The following RPTOR variants were observed in gnomAD, a reference collection of about 807,000 sequenced individuals.
RPTOR encodes regulatory associated protein of MTOR complex 1.
A neutral mutation model predicts 169.9 loss-of-function variants in RPTOR; 21 were observed. That is an observed-to-expected ratio of 0.12 (90% CI 0.09 to 0.18). The LOEUF (loss-of-function observed/expected upper bound fraction) is 0.18. Among genes scored for constraint, RPTOR ranks in the 10% least tolerant of loss-of-function variants. The probability of loss-of-function intolerance (pLI) is 1.00; values close to 1 mark genes in which losing one functional copy is unlikely to be tolerated. For synonymous variants in RPTOR, 732 were observed against 753.2 expected (o/e 0.97, Z 0.46); for missense variants, 1,133 against 1,855.9 (o/e 0.61, Z 7.16).
intron 1 of RPTOR, among the ~76,000 whole-genome samples, chr17:80,590,072 G>A (rs1435018424): frequency 2.6e-5 from 4 of 152,240 alleles, no homozygotes; most frequent in South Asian, 2.1e-4. Context: ...GCTTATAAGC[G>A]TTATTTCTTT....
intron 3 of RPTOR, among the ~76,000 whole-genome samples, chr17:80,703,414 C>T (rs2066117946): frequency 6.6e-6 from 1 of 152,120 alleles, no homozygotes; most frequent in South Asian, 2.1e-4. Flanking sequence ...CCCACCTGGA[C>T]CCTAGACCCT....
chr17:80,785,162 TAG>T (rs1324117557), intron 6 of RPTOR, among the ~76,000 whole-genome samples: 14 of 152,208 alleles, frequency 9.2e-5, no homozygotes, highest in African/African-American at 3.4e-4. Context: ...GTGTAAATTC[TAG>T]AGACTTCACG....
In RPTOR at chr17:80,884,658, C is replaced by T. The variant is rs1598377364; in HGVS notation, c.1843-350C>T. Among the ~76,000 whole-genome samples, 4 of 152,328 alleles carry T rather than the reference C, an allele frequency of 2.6e-5. No individual in the cohort carries two copies. In the South Asian group the frequency reaches 8.3e-4, roughly 32 times the overall value. The stretch of plus-strand genomic sequence containing the variant: ...CTGCGTCCAGGAGTGCCTGCGCCCT[C>T]CCCTCTTTCCACCCTCCCACGCTCT... On this transcript the variant is annotated intron_variant, in intron 16 of 33. Transcript: ENST00000306801.
rs2144110278 is a variant in RPTOR, at chr17:80,964,282, C to T, written c.3960C>T (p.Ser1320=). ...HPHWPHLAVG[S]NDYYISVYSV... is the part of the protein sequence containing the mutation. ...TGCAGCCTCACCTGGCCGTGGGAAG[C>T]AACGACTACTACATCTCCGTGTACT... Residue 1320 remains serine (S), a synonymous_variant, in exon 34 of 34, where the codon AGC becomes AGT. Coordinates refer to ENST00000306801, the MANE Select transcript of RPTOR (RefSeq NM_020761.3). 5.0e-6 allele frequency: 8 copies of T among 1,608,160 alleles called. No homozygotes were observed. Among genetic ancestry groups the T allele is most frequent in the Non-Finnish European group, 6.8e-6 (8 of 1,179,802 alleles).
chr17:80,866,960 A>C (rs1159970493), intron 13 of RPTOR, among the ~76,000 whole-genome samples: 1 of 152,206 alleles, frequency 6.6e-6, no homozygotes, highest in South Asian at 2.1e-4. Flanking sequence ...ATTTTACTGA[A>C]CATTAAGGAA....
chr17:80,940,069 G>A (rs2069004804), intron 24 of RPTOR, among the ~76,000 whole-genome samples: 1 of 152,214 alleles, frequency 6.6e-6, no homozygotes, highest in Admixed American at 6.5e-5. Flanking sequence ...GGCCAGACGA[G>A]AAGCCCAAAG....
At chr17:80,574,157 TC>T (rs373784432) in intron 1 of RPTOR, among the ~76,000 whole-genome samples, 14 of 148,130 alleles carry the variant, frequency 9.5e-5, no homozygotes, top group Non-Finnish European at 1.5e-5. Context: ...TTTTCTTTTT[TC>T]TTTTTTTTTT....
intron 5 of RPTOR, among the ~76,000 whole-genome samples, chr17:80,731,367 C>T (rs1045008474): frequency 6.6e-6 from 1 of 151,956 alleles, no homozygotes; most frequent in African/African-American, 2.4e-5. Flanking sequence ...CCACCAGTGC[C>T]TTTGTTCCTG....
intron 5 of RPTOR, among the ~76,000 whole-genome samples, chr17:80,733,709 T>C (rs1598265034): frequency 6.6e-6 from 1 of 152,232 alleles, no homozygotes; most frequent in South Asian, 2.1e-4. Context: ...TACATGCTGG[T>C]TTAAATTCCT....
chr17:80,857,402 G>A (rs1204645266), intron 12 of RPTOR, among the ~76,000 whole-genome samples: 5 of 152,160 alleles, frequency 3.3e-5, no homozygotes, highest in South Asian at 2.1e-4. Flanking sequence ...AGAGGTGGCC[G>A]TGCCGTCACA....
rs1336424599 is a variant in RPTOR at position 80,746,756 on chromosome 17, G to A, written c.655-7254G>A. Among the ~76,000 whole-genome samples the A allele has an allele frequency of 1.3e-5, 2 of 152,128 alleles. No homozygotes were observed. The highest frequency in any genetic ancestry group is 4.8e-5 in the African/African-American group (2 of 41,416). On this transcript the variant is annotated intron_variant, in intron 5 of 33. Coordinates refer to ENST00000306801, the MANE Select transcript of RPTOR (RefSeq NM_020761.3). The surrounding 1 kb of genome is among the most constrained non-coding windows in gnomAD (Gnocchi z 4.5). Reference sequence around the variant, plus strand: ...CTTACACGCAGGCCTGTTTCTGAAAGATAGTTTCAATTACGGGGTCAATAT... The same window carrying A: ...CTTACACGCAGGCCTGTTTCTGAAAAATAGTTTCAATTACGGGGTCAATAT...
chr17:80,889,500 C>G (rs1328723234), intron 17 of RPTOR, among the ~76,000 whole-genome samples: 1 of 152,148 alleles, frequency 6.6e-6, no homozygotes, highest in Non-Finnish European at 1.5e-5. Flanking sequence ...GTGGCCTCCC[C>G]GTCTGTGTGC....
chr17:80,764,485 AT>A (rs1324698488), intron 6 of RPTOR, among the ~76,000 whole-genome samples: 3 of 151,960 alleles, frequency 2.0e-5, no homozygotes, highest in African/African-American at 7.3e-5. Flanking sequence ...TACAAAGGAC[AT>A]GAACTCATCA....
chr17:80,785,564 A>G lies in RPTOR; in HGVS notation c.831-5886A>G, dbSNP rs184748549. ...GTGAAATGAGTCCTCGAATCACAGCAGGTTGTGTCGGTTGCCATTAGTGAA... is the reference window on the plus strand; with the variant it reads ...GTGAAATGAGTCCTCGAATCACAGCGGGTTGTGTCGGTTGCCATTAGTGAA... On this transcript the variant is annotated intron_variant, in intron 6 of 33. Coordinates refer to ENST00000306801, the MANE Select transcript of RPTOR (RefSeq NM_020761.3). Among the ~76,000 whole-genome samples the G allele has an allele frequency of 3.1e-4, 47 of 152,240 alleles. No individual in the cohort carries two copies. The East Asian group carries it at 8.5e-3, about 28-fold the overall frequency.
intron 20 of RPTOR, among the ~76,000 whole-genome samples, chr17:80,905,154 G>A (rs999794602): frequency 2.0e-5 from 3 of 149,540 alleles, no homozygotes; most frequent in African/African-American, 7.5e-5. Context: ...CCAGCACAGT[G>A]TGTCAACAGT....
intron 3 of RPTOR, among the ~76,000 whole-genome samples, chr17:80,652,917 C>T (rs1193374636): frequency 6.6e-6 from 1 of 152,184 alleles, no homozygotes; most frequent in Non-Finnish European, 1.5e-5. Flanking sequence ...TGTATTCTTA[C>T]ATTGTTATTA....
chr17:80,653,110 C>T (rs769316925), intron 3 of RPTOR, among the ~76,000 whole-genome samples: 8 of 152,096 alleles, frequency 5.3e-5, no homozygotes. Flanking sequence ...TCTATGAGTT[C>T]AAAATGGAGA....
At chr17:80,848,795 T>A (rs1256413797) in intron 11 of RPTOR, among the ~76,000 whole-genome samples, 1 of 152,244 alleles carries the variant, frequency 6.6e-6, no homozygotes, top group African/African-American at 2.4e-5. Context: ...GTCCAGCAAA[T>A]AATCTTTTTG....
chr17:80,634,263 C>CTG (rs2065468603), intron 2 of RPTOR, among the ~76,000 whole-genome samples: 2 of 52,534 alleles, frequency 3.8e-5, no homozygotes, highest in African/African-American at 2.2e-4. Flanking sequence ...TGCGTGCATA[C>CTG]CGTGTGTGTG....
Sources: allele counts gnomAD v4.1 joint callset (sites outside exome capture counted in the v4.1 genomes callset), GRCh38; gene constraint gnomAD v4.1.1; non-coding constraint Gnocchi (gnomAD v3.1); transcripts MANE v1.5; gene names NCBI Gene and HGNC (gene_info 2026-07-23, HGNC 2026-07-21).